Variants in GMDS observed in about 807,000 individuals in gnomAD.
The protein encoded by GMDS is GDP-mannose 4,6-dehydratase.
A neutral mutation model predicts 49.9 loss-of-function variants in GMDS; 20 were observed. That is an observed-to-expected ratio of 0.40 (90% CI 0.28 to 0.58). The LOEUF (loss-of-function observed/expected upper bound fraction) is 0.58. Ranked by LOEUF, GMDS falls within the 20% of genes least tolerant of loss-of-function variation. The pLI, the probability that GMDS is intolerant of heterozygous loss-of-function variation, is 0.42. For synonymous variants in GMDS, 177 were observed against 178.6 expected, an observed-to-expected ratio of 0.99 and a Z score of 0.07; for missense variants, 362 against 481.4, an observed-to-expected ratio of 0.75 and a Z score of 2.32.
chr6:1,930,242 C>G lies in GMDS; in HGVS notation c.644-12G>C, dbSNP rs1210157859. 6.2e-7 allele frequency: 1 copy of G among 1,610,634 alleles called. No homozygotes were observed. The highest frequency in any genetic ancestry group is 1.7e-5 in the Admixed American group (1 of 59,770). On this transcript the variant is annotated splice_polypyrimidine_tract_variant and intron_variant, in intron 6 of 10. Coordinates refer to ENST00000380815, the MANE Select transcript of GMDS (RefSeq NM_001500.4). ...AACGAAATTAGCTCCTAAAAAGAGGCAAAAGATGTAGTATCAGTCAAGTGC... is the reference window on the plus strand; with the variant it reads ...AACGAAATTAGCTCCTAAAAAGAGGGAAAAGATGTAGTATCAGTCAAGTGC...
At chr6:1,913,733 G>GC (rs1240201808) in intron 7 of GMDS, among the ~76,000 whole-genome samples, 8 of 152,174 alleles carry the variant, frequency 5.3e-5, no homozygotes, top group Non-Finnish European at 1.0e-4. Flanking sequence ...CACAGGGGTG[G>GC]CCCTGCTAGA....
chr6:2,058,106 C>G (rs556356134), intron 4 of GMDS, among the ~76,000 whole-genome samples: 1 of 152,190 alleles, frequency 6.6e-6, no homozygotes, highest in Admixed American at 6.5e-5. Flanking sequence ...TGCCTATAAT[C>G]CCAGCACTTT....
At chr6:1,996,505 C>G (rs1026472693) in intron 4 of GMDS, among the ~76,000 whole-genome samples, 2 of 152,182 alleles carry the variant, frequency 1.3e-5, no homozygotes, top group Admixed American at 6.5e-5. Context: ...TTCTCTTTCA[C>G]TTACATAAGT....
At chr6:2,228,705 G>A (rs1157563968) in intron 1 of GMDS, among the ~76,000 whole-genome samples, 2 of 152,266 alleles carry the variant, frequency 1.3e-5, no homozygotes, top group Non-Finnish European at 2.9e-5. Context: ...ATAATGTGCA[G>A]TGTTAAGAGT....
intron 4 of GMDS, among the ~76,000 whole-genome samples, chr6:1,968,678 A>G (rs1014841346): frequency 6.6e-6 from 1 of 152,174 alleles, no homozygotes; most frequent in African/African-American, 2.4e-5. Flanking sequence ...TGGTCTGCCA[A>G]CACTGACCCA....
intron 9 of GMDS, among the ~76,000 whole-genome samples, chr6:1,650,256 A>T (rs1305350346): frequency 6.6e-6 from 1 of 152,116 alleles, no homozygotes; most frequent in Non-Finnish European, 1.5e-5. Context: ...TGACAGGATC[A>T]TCTCCTGCCC....
At chr6:1,749,609 A>T (rs1395079271) in intron 7 of GMDS, among the ~76,000 whole-genome samples, 1 of 151,940 alleles carries the variant, frequency 6.6e-6, no homozygotes, top group African/African-American at 2.4e-5. Flanking sequence ...AAAATTAAAC[A>T]TAAAAAAAAG....
intron 7 of GMDS, among the ~76,000 whole-genome samples, chr6:1,917,472 A>T (rs575676927): frequency 7.6e-4 from 116 of 152,380 alleles, no homozygotes; most frequent in African/African-American, 2.7e-3. Flanking sequence ...AAATACAAAG[A>T]TGTAAATGAC....
At chr6:2,117,141 C>A (rs75270753) in intron 3 of GMDS, among the ~76,000 whole-genome samples, 3,204 of 152,158 alleles carry the variant, frequency 0.021, 124 homozygotes, top group African/African-American at 0.071. Flanking sequence ...AAAAGCGGGT[C>A]GGTGCACTGC....
chr6:1,735,056 C>T (rs955293146), intron 8 of GMDS, among the ~76,000 whole-genome samples: 2 of 152,188 alleles, frequency 1.3e-5, no homozygotes, highest in Non-Finnish European at 2.9e-5. Flanking sequence ...TATTAGCCAC[C>T]CCCAGTGGAT....
At chr6:2,153,329 G>T (rs1776932441) in intron 1 of GMDS, among the ~76,000 whole-genome samples, 1 of 152,208 alleles carries the variant, frequency 6.6e-6, no homozygotes, top group Middle Eastern at 3.4e-3. Context: ...AAAGGAAAAA[G>T]ACTGATAATC....
chr6:2,212,771 A>C (rs1780131393), intron 1 of GMDS, among the ~76,000 whole-genome samples: 1 of 151,870 alleles, frequency 6.6e-6, no homozygotes, highest in Non-Finnish European at 1.5e-5. Flanking sequence ...AAACAACATG[A>C]CATTCATTTT....
chr6:2,159,615 C>T (rs948714381), intron 1 of GMDS, among the ~76,000 whole-genome samples: 4 of 148,158 alleles, frequency 2.7e-5, no homozygotes, highest in Admixed American at 1.4e-4. Flanking sequence ...ATCTCCCAGG[C>T]TCAAGCAATG....
chr6:1,928,116 C>A (rs529464445), intron 7 of GMDS, among the ~76,000 whole-genome samples: 2 of 152,152 alleles, frequency 1.3e-5, no homozygotes, highest in African/African-American at 4.8e-5. Flanking sequence ...CCTGTAATCC[C>A]GGCACTTTGG....
intron 7 of GMDS, among the ~76,000 whole-genome samples, chr6:1,776,036 C>T (rs1164132971): frequency 3.3e-5 from 5 of 152,158 alleles, no homozygotes; most frequent in Middle Eastern, 3.2e-3. Flanking sequence ...CTAGCACAAC[C>T]TCTGCACTGC....
intron 4 of GMDS, among the ~76,000 whole-genome samples, chr6:2,030,327 G>T (rs1002921708): frequency 1.3e-5 from 2 of 152,222 alleles, no homozygotes; most frequent in African/African-American, 4.8e-5. Flanking sequence ...CCAAGAAAAA[G>T]ATAAGGGAGG....
At chr6:1,727,794 T>A (rs558171542) in intron 8 of GMDS, among the ~76,000 whole-genome samples, 7 of 152,360 alleles carry the variant, frequency 4.6e-5, no homozygotes, top group African/African-American at 1.4e-4. Context: ...AGTTTGTTAG[T>A]GTGCTGAATT....
chr6:2,188,190 G>T (rs149283057), intron 1 of GMDS, among the ~76,000 whole-genome samples: 395 of 152,338 alleles, frequency 2.6e-3, no homozygotes, highest in African/African-American at 9.0e-3. Flanking sequence ...TCTGGAGACA[G>T]CTGGAGTACA....
chr6:1,818,469 G>T lies in GMDS; in HGVS notation c.772-75883C>A, dbSNP rs188658222. On this transcript the variant is annotated intron_variant, in intron 7 of 10. Coordinates refer to ENST00000380815, the MANE Select transcript of GMDS (RefSeq NM_001500.4). The stretch of plus-strand genomic sequence containing the variant: ...TTGAAAATACAAAAATTAGCCAGGC[G>T]TGGTGGCAGGTACCTGTAATCCCAG... Among the ~76,000 whole-genome samples the T allele has an allele frequency of 4.2e-4, 64 of 151,960 alleles. 2 individuals are homozygous for T. Among genetic ancestry groups the T allele is most frequent in the Middle Eastern group, 3.4e-3 (1 of 294 alleles).
Sources: gnomAD v4.1 joint callset for allele counts (sites outside exome capture counted in the v4.1 genomes callset) on GRCh38, gnomAD v4.1.1 for gene constraint, MANE v1.5 for transcripts, NCBI Gene and HGNC (gene_info 2026-07-23, HGNC 2026-07-21) for gene names.